PROM1: variants seen among roughly 807,000 people sequenced by gnomAD.
The protein encoded by PROM1 is prominin 1, also known as prominin-1.
In PROM1, 105 loss-of-function variants were observed where a neutral mutation model predicts 116.9. The observed-to-expected ratio is 0.90, with a 90% CI of 0.77 to 1.06. The LOEUF (loss-of-function observed/expected upper bound fraction) is 1.06, where lower values mean the gene tolerates loss of function less well. Among genes scored for constraint, PROM1 ranks in the 50% least tolerant of loss-of-function variants. The pLI is 0.00. For synonymous variants in PROM1, 393 were observed against 387.0 expected (o/e 1.02, Z -0.18); for missense variants, 1,122 against 1,045.2 (o/e 1.07, Z -1.01).
At position 16,016,323 on chromosome 4, in the gene PROM1, C is replaced by G. The variant is rs1578043229; in HGVS notation, c.1003-83G>C. 18 of 1,131,922 alleles carry G rather than the reference C, an allele frequency of 1.6e-5. No individual in the cohort carries two copies. In the East Asian group the frequency reaches 4.6e-4, roughly 29 times the overall value. The allele number at this position is 1,131,922 out of a possible 1,614,324, so 70.1% of individuals were successfully genotyped here. On this transcript the variant is annotated intron_variant, in intron 9 of 27. Transcript: ENST00000447510. ...ATGAAGAAAGAAGTCATTGTATATTCCAAGTCCCAAAGCATCTATACTACA... is the reference window on the plus strand; with the variant it reads ...ATGAAGAAAGAAGTCATTGTATATTGCAAGTCCCAAAGCATCTATACTACA...
At position 16,016,290 on chromosome 4, in the gene PROM1, A is replaced by T. The variant is rs1197404607; in HGVS notation, c.1003-50T>A. On this transcript the variant is annotated intron_variant, in intron 9 of 27. Coordinates refer to ENST00000447510, the MANE Select transcript of PROM1 (RefSeq NM_006017.3). ...AAGACAAGGTTGTTACCTTCAAAAC[A>T]ATTCCTCATGAAGAAAGAAGTCATT... 4 of 1,394,588 alleles carry T rather than the reference A, an allele frequency of 2.9e-6. No homozygotes were observed. The East Asian group carries it at 1.0e-4, about 35-fold the overall frequency. The allele number at this position is 1,394,588 out of a possible 1,614,324, so 86.4% of individuals were successfully genotyped here. A position where few individuals can be genotyped will look rare whatever the true frequency, so the allele number is the denominator to read the frequency against.
intron 2 of PROM1, among the ~76,000 whole-genome samples, chr4:16,045,573 G>T (rs1048725213): frequency 6.6e-6 from 1 of 152,116 alleles, no homozygotes; most frequent in Non-Finnish European, 1.5e-5. Context: ...TTCTAGCTAC[G>T]TGCCTCCTCT....
rs4698131 is a variant in PROM1, at chr4:15,991,179, A to G, written c.1983+43T>C. ...CCTAAGAATGGTACTGACATTTGAC[A>G]TCTACAACTACTACAGTATTTAACC... On this transcript the variant is annotated intron_variant, in intron 18 of 27. Transcript: ENST00000447510. 0.027 allele frequency: 40,258 copies of G among 1,518,198 alleles called. 1,609 individuals carry two copies. The highest frequency in any genetic ancestry group is 0.18 in the East Asian group (7,746 of 43,122). The allele number at this position is 1,518,198 out of a possible 1,614,324, so 94.0% of individuals were successfully genotyped here.
chr4:16,081,910 T>C (rs969040207), intron 1 of PROM1, among the ~76,000 whole-genome samples: 2 of 75,416 alleles, frequency 2.7e-5, no homozygotes, highest in African/African-American at 7.8e-5. Context: ...ATGGAACACA[T>C]GAAAAAAAAA....
chr4:16,033,899 GTACATA>G (rs1472250921), intron 4 of PROM1, among the ~76,000 whole-genome samples: 66 of 133,718 alleles, frequency 4.9e-4, no homozygotes, highest in African/African-American at 1.9e-3. Context: ...ATCTGAATGT[GTACATA>G]TATATATATA....
rs1235971819 is a variant in PROM1, at chr4:16,033,359, G to A, written c.454C>T (p.Pro152Ser). Reference sequence around the variant, plus strand: ...ATTGCAAAGCATTTCCTCAGGAAGGGCCCATTTTCCTTCTGTCGCTGGTGC... The same window carrying A: ...ATTGCAAAGCATTTCCTCAGGAAGGACCCATTTTCCTTCTGTCGCTGGTGC... ...EMHQRQKENG[P>S]FLRKCFAISL... Residue 152 changes from proline to serine, a missense_variant, in exon 5 of 28, where the codon CCC becomes TCC. By Grantham distance (74) the Pro-to-Ser change is moderately conservative (BLOSUM62 -1). Coordinates refer to ENST00000447510, the MANE Select transcript of PROM1 (RefSeq NM_006017.3). The A allele has an allele frequency of 1.9e-6, 3 of 1,613,734 alleles. No individual in the cohort carries two copies. Among genetic ancestry groups the A allele is most frequent in the Non-Finnish European group, 2.5e-6 (3 of 1,179,820 alleles).
At chr4:16,074,736 C>T (rs1743577282) in intron 2 of PROM1, among the ~76,000 whole-genome samples, 1 of 152,124 alleles carries the variant, frequency 6.6e-6, no homozygotes, top group Non-Finnish European at 1.5e-5. Flanking sequence ...TATAAACTCC[C>T]CATAATATAA....
At chr4:16,043,752 C>G (rs530006863) in intron 2 of PROM1, among the ~76,000 whole-genome samples, 1 of 152,328 alleles carries the variant, frequency 6.6e-6, no homozygotes, top group African/African-American at 2.4e-5. Context: ...CAGGTTGCCC[C>G]ATGACGCTGT....
intron 3 of PROM1, 75 bp from the exon 4 acceptor site, chr4:16,035,836 A>G (rs1733830154): frequency 7.4e-7 from 1 of 1,357,036 alleles, no homozygotes; most frequent in Middle Eastern, 1.8e-4. Context: ...AAAAGTTATG[A>G]GTGATCAACC....
intron 15 of PROM1, 72 bp downstream of exon 15, chr4:15,998,313 T>A (rs1436555354): frequency 7.5e-6 from 11 of 1,462,252 alleles, no homozygotes; most frequent in Non-Finnish European, 9.9e-6. Context: ...TTAAAAACAC[T>A]TCAAATGCAA....
intron 2 of PROM1, among the ~76,000 whole-genome samples, chr4:16,045,651 T>TC (rs1320469762): frequency 6.6e-6 from 1 of 152,182 alleles, no homozygotes; most frequent in Non-Finnish European, 1.5e-5. Context: ...AACTTTTTTT[T>TC]CAGCAGAAAG....
In PROM1 at chr4:16,033,368, C is replaced by T. The variant is rs1231502406; in HGVS notation, c.445G>A (p.Glu149Lys). The T allele has an allele frequency of 5.6e-6, 9 of 1,613,788 alleles. No homozygotes were observed. In the South Asian group the frequency reaches 9.9e-5, roughly 18 times the overall value. Reference protein sequence around the residue: ...CGGEMHQRQKENGPFLRKCFA... With the variant: ...CGGEMHQRQKKNGPFLRKCFA... ...CATTTCCTCAGGAAGGGCCCATTTT[C>T]CTTCTGTCGCTGGTGCATTTCTCCA... Residue 149 changes from glutamate to lysine, a missense_variant, in exon 5 of 28, where the codon GAA becomes AAA. Glu to Lys is a moderately conservative substitution (Grantham distance 56). Transcript: ENST00000447510.
intron 2 of PROM1, among the ~76,000 whole-genome samples, chr4:16,060,320 T>TC (rs1250006864): frequency 6.6e-6 from 1 of 151,628 alleles, no homozygotes; most frequent in African/African-American, 2.4e-5. Flanking sequence ...CTTTTTTTTT[T>TC]TTCCTTTGGG....
intron 26 of PROM1, among the ~76,000 whole-genome samples, chr4:15,976,771 C>G (rs1297813334): frequency 6.6e-6 from 1 of 152,182 alleles, no homozygotes; most frequent in Non-Finnish European, 1.5e-5. Context: ...CCAGGCCTAC[C>G]AGTGCATCTG....
At chr4:16,071,298 A>C (rs1022952976) in intron 2 of PROM1, among the ~76,000 whole-genome samples, 1 of 152,182 alleles carries the variant, frequency 6.6e-6, no homozygotes, top group Non-Finnish European at 1.5e-5. Flanking sequence ...CCAACAAATG[A>C]AACCTCTGCT....
At chr4:15,991,995 GT>G (rs1159918953) in intron 17 of PROM1, among the ~76,000 whole-genome samples, 32 of 150,682 alleles carry the variant, frequency 2.1e-4, no homozygotes, top group African/African-American at 7.8e-4. Context: ...GTTGCCAAGG[GT>G]TTGGGGAGGA....
intron 21 of PROM1, 62 bp from the exon 22 acceptor site, chr4:15,985,890 A>ATTTAATACAGATAAG: frequency 7.4e-7 from 1 of 1,357,858 alleles, no homozygotes; most frequent in Non-Finnish European, 1.0e-6. Context: ...TAAACATTAT[A>ATTTAATACAGATAAG]AATATTTAAT....
chr4:16,030,463 G>T (rs1732399209), intron 5 of PROM1, among the ~76,000 whole-genome samples: 1 of 152,022 alleles, frequency 6.6e-6, no homozygotes, highest in Non-Finnish European at 1.5e-5. Context: ...GTGTAGGAGG[G>T]TATAGAATCA....
At chr4:15,997,167 G>C (rs916728025) in intron 15 of PROM1, among the ~76,000 whole-genome samples, 2 of 151,024 alleles carry the variant, frequency 1.3e-5, no homozygotes, top group African/African-American at 4.9e-5. Context: ...TTTCACCACT[G>C]AGCAAAAGCA....
Sources: allele counts gnomAD v4.1 joint callset (sites outside exome capture counted in the v4.1 genomes callset), GRCh38; gene constraint gnomAD v4.1.1; transcripts MANE v1.5; gene names NCBI Gene and HGNC (gene_info 2026-07-23, HGNC 2026-07-21).